The following CALN1 variants were observed in gnomAD, a reference collection of about 807,000 sequenced individuals.
The protein encoded by CALN1 is calneuron 1.
In CALN1, 17 loss-of-function variants were observed where a neutral mutation model predicts 30.6. That is an observed-to-expected ratio of 0.56 (90% CI 0.38 to 0.83). CALN1 has a LOEUF of 0.83. Ranked by LOEUF, CALN1 falls within the 40% of genes least tolerant of loss-of-function variation. The pLI is 0.00. For synonymous variants in CALN1, 156 were observed against 131.4 expected (o/e 1.19, Z -1.28); for missense variants, 291 against 354.9 (o/e 0.82, Z 1.45).
intron 2 of CALN1, chr7:72,336,705 TCTTGCTGGGCC>T: frequency 1.0e-6 from 1 of 985,316 alleles, no homozygotes. Flanking sequence ...GGCACTCACC[TCTTGCTGGGCC>T]GGGGCTCCGC....
At chr7:72,180,342 G>C (rs576651638) in intron 3 of CALN1, among the ~76,000 whole-genome samples, 74 of 152,162 alleles carry the variant, frequency 4.9e-4, no homozygotes, top group African/African-American at 1.7e-3. Flanking sequence ...AGGTTCAGGG[G>C]GTGACAGCCC....
chr7:72,491,226 CAAAAAA>C, the CALN1 span, among the ~76,000 whole-genome samples: 14 of 132,172 alleles, frequency 1.1e-4, no homozygotes, highest in Admixed American at 2.3e-4. Context: ...GACTCCGTCT[CAAAAAA>C]AAAAAAAACA....
intron 4 of CALN1, among the ~76,000 whole-genome samples, chr7:72,037,837 T>C (rs969024409): frequency 1.3e-5 from 2 of 152,238 alleles, no homozygotes; most frequent in Non-Finnish European, 2.9e-5. Context: ...TCTGTGCCTG[T>C]ACATTTCCCT....
rs147872633 is a variant in CALN1 at position 72,289,636 on chromosome 7, C to T, written c.120-10826G>A. On this transcript the variant is annotated intron_variant, in intron 2 of 6. Transcript: ENST00000395275. ...TGTGCAGCAGTATACCAGCATACCA[C>T]CATGAAGTATCTCCACCACACACAC... Among the ~76,000 whole-genome samples the T allele has an allele frequency of 2.5e-3, 384 of 152,178 alleles. 3 individuals are homozygous for T. Among genetic ancestry groups the T allele is most frequent in the Middle Eastern group, 0.014 (4 of 292 alleles).
chr7:72,125,799 C>CTTTTTTTTTTTT (rs61475416), intron 3 of CALN1, among the ~76,000 whole-genome samples: 3 of 114,774 alleles, frequency 2.6e-5, no homozygotes, highest in Non-Finnish European at 3.5e-5. Context: ...CTGTATCATT[C>CTTTTTTTTTTTT]TTTTTTTTTT....
intron 3 of CALN1, among the ~76,000 whole-genome samples, chr7:72,269,366 A>G (rs1585314242): frequency 6.7e-6 from 1 of 149,076 alleles, no homozygotes; most frequent in Admixed American, 6.7e-5. Flanking sequence ...CCCTGCCCCC[A>G]CTCCACAACA....
chr7:71,825,708 G>C (rs1330479212), intron 5 of CALN1, among the ~76,000 whole-genome samples: 1 of 151,902 alleles, frequency 6.6e-6, no homozygotes, highest in Admixed American at 6.6e-5. Context: ...ATGGAAGACT[G>C]GTAAAGGTAT....
At chr7:71,989,702 G>C (rs1297411824) in intron 5 of CALN1, among the ~76,000 whole-genome samples, 1 of 151,520 alleles carries the variant, frequency 6.6e-6, no homozygotes, top group Admixed American at 6.6e-5. Flanking sequence ...TAGCACAATA[G>C]TTTTGAAAAG....
At chr7:72,068,780 C>T (rs947390016) in intron 4 of CALN1, among the ~76,000 whole-genome samples, 10 of 152,164 alleles carry the variant, frequency 6.6e-5, no homozygotes, top group African/African-American at 2.2e-4. Context: ...CATGAGCCAC[C>T]GCACTGGGCC....
intron 3 of CALN1, among the ~76,000 whole-genome samples, chr7:72,163,392 TA>T (rs55881217): frequency 3.0e-3 from 235 of 79,274 alleles, no homozygotes; most frequent in Middle Eastern, 0.014. Context: ...TATTGGAGAT[TA>T]AAAAAAAAAA....
chr7:72,406,205 C>T (rs2129562475), intron 1 of CALN1, among the ~76,000 whole-genome samples: 1 of 152,280 alleles, frequency 6.6e-6, no homozygotes, highest in African/African-American at 2.4e-5. Context: ...GCTGGCGTAA[C>T]GAGGGAAGCC....
intron 5 of CALN1, among the ~76,000 whole-genome samples, chr7:71,924,653 ATCT>A (rs1795166349): frequency 6.6e-6 from 1 of 151,478 alleles, no homozygotes; most frequent in South Asian, 2.1e-4. Context: ...TTTTTACTCT[ATCT>A]GCCTTCATGA....
intron 2 of CALN1, among the ~76,000 whole-genome samples, chr7:72,341,156 G>C (rs1307416823): frequency 1.3e-5 from 2 of 152,184 alleles, no homozygotes; most frequent in Non-Finnish European, 1.5e-5. Context: ...GATGAATGCT[G>C]CATCATCTAA....
chr7:72,043,903 A>G (rs992929156), intron 4 of CALN1, among the ~76,000 whole-genome samples: 4 of 152,222 alleles, frequency 2.6e-5, no homozygotes, highest in African/African-American at 9.6e-5. Flanking sequence ...GCGGAAGGCA[A>G]AGGAGGAGCA....
chr7:72,149,721 G>C (rs1171571242), intron 3 of CALN1, among the ~76,000 whole-genome samples: 1 of 152,010 alleles, frequency 6.6e-6, no homozygotes, highest in East Asian at 1.9e-4. Context: ...GCACTGCATT[G>C]TGAAATCTTT....
intron 1 of CALN1, among the ~76,000 whole-genome samples, chr7:72,404,427 G>A (rs548710322): frequency 3.2e-4 from 48 of 152,236 alleles, no homozygotes; most frequent in East Asian, 2.1e-3. Flanking sequence ...CAATAATAAA[G>A]ACAAACAAAG....
At chr7:72,440,411 C>T (rs973776998) in intron 1 of CALN1, among the ~76,000 whole-genome samples, 1 of 152,198 alleles carries the variant, frequency 6.6e-6, no homozygotes, top group Non-Finnish European at 1.5e-5. Context: ...ACCAGCCAGG[C>T]ACAGGGGCTC....
intron 5 of CALN1, among the ~76,000 whole-genome samples, chr7:71,861,429 G>T (rs1475397487): frequency 1.3e-5 from 2 of 152,008 alleles, no homozygotes; most frequent in Admixed American, 1.3e-4. Flanking sequence ...GGGAAACTCA[G>T]ATTTGGACCC....
At chr7:72,125,723 T>C (rs1563079530) in intron 3 of CALN1, among the ~76,000 whole-genome samples, 1 of 151,814 alleles carries the variant, frequency 6.6e-6, no homozygotes, top group Non-Finnish European at 1.5e-5. Context: ...GTGTACACTG[T>C]ACTCAATATG....
Sources: allele counts gnomAD v4.1 joint callset (sites outside exome capture counted in the v4.1 genomes callset), GRCh38; gene constraint gnomAD v4.1.1; transcripts MANE v1.5; gene names NCBI Gene and HGNC (gene_info 2026-07-23, HGNC 2026-07-21).